Variants in EXT1 observed in about 807,000 individuals in gnomAD.
EXT1 encodes the protein exostosin-1.
In EXT1, 20 loss-of-function variants were observed where a neutral mutation model predicts 82.5. The ratio of observed to expected loss-of-function variants is 0.24; its 90% CI spans 0.17 to 0.35. The LOEUF (loss-of-function observed/expected upper bound fraction) is 0.35. Among genes scored for constraint, EXT1 ranks in the 10% least tolerant of loss-of-function variants. The pLI is 1.00. For missense variants in EXT1, 757 were observed against 936.5 expected (o/e 0.81, Z 2.50); for synonymous variants, 348 against 350.8 (o/e 0.99, Z 0.09).
In EXT1 at chr8:117,794,699, C is replaced by A. The variant is rs746299321; in HGVS notation, c.*5013G>T. 6.6e-6 allele frequency: 1 copy of A among 151,968 alleles called. No individual in the cohort carries two copies. Among genetic ancestry groups the A allele is most frequent in the Admixed American group, 6.5e-5 (1 of 15,268 alleles). 9.4% of individuals were successfully genotyped at this position (151,968 alleles called of 1,614,324 possible). A position where few individuals can be genotyped will look rare whatever the true frequency, so the allele number is the denominator to read the frequency against. On this transcript the variant is annotated 3_prime_UTR_variant, in exon 11 of 11. Coordinates refer to ENST00000378204, the MANE Select transcript of EXT1 (RefSeq NM_000127.3). ...TCACACATACTTGAGGGCTTAATTA[C>A]GCTAAGTCATTAATACTCTATAACA... is the stretch of plus-strand genomic sequence containing the variant.
chr8:117,949,924 C>T, intron 1 of EXT1, among the ~76,000 whole-genome samples: 1 of 152,120 alleles, frequency 6.6e-6, no homozygotes, highest in Admixed American at 6.6e-5. Context: ...AAACATTCTT[C>T]TAAAATTACT....
intron 1 of EXT1, among the ~76,000 whole-genome samples, chr8:117,964,219 G>A (rs1329298346): frequency 6.6e-6 from 1 of 152,182 alleles, no homozygotes; most frequent in Non-Finnish European, 1.5e-5. Context: ...CAGCTGATCT[G>A]AAATCTGGAA....
chr8:117,896,565 T>A (rs182550686), intron 1 of EXT1, among the ~76,000 whole-genome samples: 1 of 152,180 alleles, frequency 6.6e-6, no homozygotes, highest in Non-Finnish European at 1.5e-5. Context: ...TCTCACGGCT[T>A]ACATTACCGA....
At chr8:118,058,407 C>A (rs1329573098) in intron 1 of EXT1, among the ~76,000 whole-genome samples, 1 of 152,112 alleles carries the variant, frequency 6.6e-6, no homozygotes, top group Admixed American at 6.5e-5. Context: ...AATGCAAAGA[C>A]TGAACTCTAA....
At chr8:117,976,591 T>C (rs1438263227) in intron 1 of EXT1, among the ~76,000 whole-genome samples, 19 of 152,198 alleles carry the variant, frequency 1.2e-4, no homozygotes. Flanking sequence ...ACTGAGAGAA[T>C]GCATGAGGGG....
At chr8:117,856,421 AAT>A (rs375315642) in intron 1 of EXT1, among the ~76,000 whole-genome samples, 13,613 of 119,806 alleles carry the variant, frequency 0.11, 851 homozygotes, top group East Asian at 0.3. Flanking sequence ...CGCCTGGCTA[AAT>A]TTTTTTTTTT....
intron 1 of EXT1, among the ~76,000 whole-genome samples, chr8:117,899,682 A>C (rs1189350368): frequency 6.6e-6 from 1 of 152,230 alleles, no homozygotes; most frequent in African/African-American, 2.4e-5. Flanking sequence ...TGAAGATTAC[A>C]TCTCAAAGGC....
At chr8:118,014,950 C>T (rs1208115973) in intron 1 of EXT1, among the ~76,000 whole-genome samples, 1 of 152,170 alleles carries the variant, frequency 6.6e-6, no homozygotes, top group African/African-American at 2.4e-5. Context: ...AGGAACAGAT[C>T]AGCTCATCTA....
chr8:118,048,666 T>C (rs186402546), intron 1 of EXT1, among the ~76,000 whole-genome samples: 7 of 152,330 alleles, frequency 4.6e-5, no homozygotes. Context: ...CTATGTCTAC[T>C]ATAATATTTG....
At position 118,111,342 on chromosome 8, in the gene EXT1, T is replaced by C. The variant is rs756423763; in HGVS notation, c.-296A>G. On this transcript the variant is annotated 5_prime_UTR_variant, in exon 1 of 11. It removes an upstream start codon present in the reference 5' UTR. Coordinates refer to ENST00000378204, the MANE Select transcript of EXT1 (RefSeq NM_000127.3). ...AGCAGCGGACTGTAATTTTCTTGCA[T>C]GCAACAAGACGGAGGAAAAGAAAGA... is the stretch of plus-strand genomic sequence containing the variant. 74 of 593,260 alleles carry C rather than the reference T, an allele frequency of 1.2e-4. No individual in the cohort carries two copies. Among genetic ancestry groups the C allele is most frequent in the Non-Finnish European group, 1.9e-4 (62 of 334,456 alleles). The allele number at this position is 593,260 out of a possible 1,614,324, so 36.7% of individuals were successfully genotyped here.
At chr8:117,898,573 T>C (rs536079380) in intron 1 of EXT1, among the ~76,000 whole-genome samples, 3 of 152,350 alleles carry the variant, frequency 2.0e-5, no homozygotes, top group Admixed American at 2.0e-4. Context: ...TTCGAACTTA[T>C]TTTCCCACTG....
intron 4 of EXT1, among the ~76,000 whole-genome samples, chr8:117,822,937 G>C (rs1162034880): frequency 6.6e-6 from 1 of 152,084 alleles, no homozygotes; most frequent in Non-Finnish European, 1.5e-5. Flanking sequence ...AAACTTCTAA[G>C]AACTAAGATA....
intron 1 of EXT1, among the ~76,000 whole-genome samples, chr8:118,001,586 T>A (rs1815667120): frequency 6.6e-6 from 1 of 152,138 alleles, no homozygotes; most frequent in African/African-American, 2.4e-5. Context: ...TATTGTGAAA[T>A]GTACAAAAAT....
At position 117,798,854 on chromosome 8, in the gene EXT1, T is replaced by C. The variant is rs1823121854; in HGVS notation, c.*858A>G. ...CCAGTGCTACGCAGACTTAGGTCAA[T>C]GGTTGAATCTATAACCGTGCCCCCA... On this transcript the variant is annotated 3_prime_UTR_variant, in exon 11 of 11. Transcript: ENST00000378204. 1 of 152,264 alleles carries C rather than the reference T, an allele frequency of 6.6e-6. No homozygotes were observed. Among genetic ancestry groups the C allele is most frequent in the Non-Finnish European group, 1.5e-5 (1 of 68,060 alleles). 9.4% of individuals were successfully genotyped at this position (152,264 alleles called of 1,614,324 possible). A position where few individuals can be genotyped will look rare whatever the true frequency, so the allele number is the denominator to read the frequency against.
Position 118,110,847 on chromosome 8 carries a change from G to C in EXT1, c.200C>G (p.Pro67Arg), listed in dbSNP as rs371817652. 5 of 1,612,372 alleles carry C rather than the reference G, an allele frequency of 3.1e-6. No individual in the cohort carries two copies. Among genetic ancestry groups the C allele is most frequent in the Admixed American group, 1.7e-5 (1 of 59,892 alleles). The change falls in exon 1 of 11, where the codon CCT (proline) becomes CGT (arginine). Residue 67 changes from proline to arginine, a missense_variant. By Grantham distance (103) the Pro-to-Arg change is moderately radical. Around this residue, in one of 4 missense-constraint regions of EXT1, gnomAD observed 175 missense variants for 159.0 expected, o/e 1.10. Transcript: ENST00000378204. ...RFPDALRPFV[P>R]WDQLENEDSS... ...ATCCTCGTTTTCCAATTGATCCCAA[G>C]GAACGAAGGGGCGCAGAGCGTCCGG...
intron 1 of EXT1, among the ~76,000 whole-genome samples, chr8:117,925,794 A>G (rs1813942762): frequency 6.6e-6 from 1 of 151,576 alleles, no homozygotes; most frequent in Non-Finnish European, 1.5e-5. Flanking sequence ...GCTACTCTGG[A>G]GGCTGAGGTG....
chr8:117,870,005 CCT>C (rs1396562144), intron 1 of EXT1, among the ~76,000 whole-genome samples: 1 of 152,016 alleles, frequency 6.6e-6, no homozygotes, highest in Non-Finnish European at 1.5e-5. Flanking sequence ...TGTTGCTACC[CCT>C]GTTGCGAGAA....
At chr8:117,959,178 G>A (rs966195311) in intron 1 of EXT1, among the ~76,000 whole-genome samples, 1 of 152,220 alleles carries the variant, frequency 6.6e-6, no homozygotes, top group African/African-American at 2.4e-5. Flanking sequence ...TAGTGCCTGT[G>A]AAAGCTGCAT....
intron 1 of EXT1, among the ~76,000 whole-genome samples, chr8:117,964,183 T>C (rs1814759367): frequency 6.6e-6 from 1 of 152,244 alleles, no homozygotes; most frequent in South Asian, 2.1e-4. Context: ...GATAACAATG[T>C]AAAGCTTCAG....
Sources: allele counts gnomAD v4.1 joint callset (sites outside exome capture counted in the v4.1 genomes callset), GRCh38; gene constraint gnomAD v4.1.1; regional missense constraint gnomAD v4.1.1; transcripts MANE v1.5; gene names NCBI Gene and HGNC (gene_info 2026-07-23, HGNC 2026-07-21).